Variants in MYO5B observed in about 807,000 individuals in gnomAD.
MYO5B encodes myosin VB, also known as unconventional myosin-Vb.
In MYO5B, 143 loss-of-function variants were observed where a neutral mutation model predicts 229.3. The observed-to-expected ratio is 0.62, with a 90% CI of 0.54 to 0.72. The LOEUF (loss-of-function observed/expected upper bound fraction) is 0.72. MYO5B is among the 30% of genes least tolerant of loss of function. The pLI is 0.00. For missense variants in MYO5B, 2,321 were observed against 2,331.0 expected, an observed-to-expected ratio of 1.00 and a Z score of 0.09; for synonymous variants, 918 against 885.2, an observed-to-expected ratio of 1.04 and a Z score of -0.66.
chr18:50,061,110 G>A (rs1039809385), intron 1 of MYO5B, among the ~76,000 whole-genome samples: 4 of 152,146 alleles, frequency 2.6e-5, no homozygotes, highest in African/African-American at 9.7e-5. Context: ...ATGTCCAGAA[G>A]AGCACAGCAT....
chr18:50,095,468 C>T (rs1285574986), intron 1 of MYO5B, among the ~76,000 whole-genome samples: 2 of 152,168 alleles, frequency 1.3e-5, no homozygotes, highest in Non-Finnish European at 2.9e-5. Context: ...ATACCTGGTA[C>T]TTGCTTAAAT....
At chr18:49,894,876 G>A in intron 22 of MYO5B, 65 bp downstream of exon 22, 2 of 1,395,290 alleles carry the variant, frequency 1.4e-6, no homozygotes, top group Non-Finnish European at 2.0e-6. Context: ...AGTGCTCTCT[G>A]AGAGGTGGCT....
intron 34 of MYO5B, among the ~76,000 whole-genome samples, chr18:49,842,615 C>T (rs576586430): frequency 2.6e-5 from 4 of 152,380 alleles, no homozygotes; most frequent in African/African-American, 9.6e-5. Flanking sequence ...CTGCCTGGCC[C>T]TCATCCATGT....
chr18:50,002,029 C>A (rs2026053250), intron 4 of MYO5B, among the ~76,000 whole-genome samples: 1 of 99,456 alleles, frequency 1.0e-5, no homozygotes. Context: ...GAGCAAAACT[C>A]CGTCTCAAAA....
chr18:49,944,901 C>T (rs12969363), intron 14 of MYO5B, among the ~76,000 whole-genome samples: 14,450 of 152,180 alleles, frequency 0.095, 821 homozygotes, highest in Middle Eastern at 0.2. Flanking sequence ...GCCTCCTCCC[C>T]ATGCTGCTGA....
At chr18:49,889,681 TAC>T (rs904520572) in intron 22 of MYO5B, among the ~76,000 whole-genome samples, 9 of 152,224 alleles carry the variant, frequency 5.9e-5, no homozygotes, top group Non-Finnish European at 1.0e-4. Context: ...TTGAGCATCC[TAC>T]ACACAGTCAA....
At chr18:50,014,873 G>C (rs2026200635) in intron 4 of MYO5B, among the ~76,000 whole-genome samples, 1 of 152,206 alleles carries the variant, frequency 6.6e-6, no homozygotes, top group African/African-American at 2.4e-5. Flanking sequence ...TGTAAGAAAA[G>C]TGCTCCCTTG....
intron 1 of MYO5B, among the ~76,000 whole-genome samples, chr18:50,133,866 G>T (rs2032293005): frequency 6.6e-6 from 1 of 152,134 alleles, no homozygotes; most frequent in Non-Finnish European, 1.5e-5. Flanking sequence ...GAGGGAGGTG[G>T]GGGGAGTTAT....
intron 29 of MYO5B, 38 bp downstream of exon 29, chr18:49,863,189 G>A (rs371552720): frequency 2.1e-5 from 33 of 1,539,210 alleles, no homozygotes; most frequent in Non-Finnish European, 2.3e-5. Flanking sequence ...GCCCTTCTCC[G>A]CGGCCTCGTC....
Position 49,878,977 on chromosome 18 carries a change from C to T in MYO5B, c.3244G>A (p.Asp1082Asn), listed in dbSNP as rs768704859. ...ATGGTCATTTCATCCCGAAGGTTGT[C>T]GTATCTCTGCTCCAACTGTGAATAT... ...KEYSQLEQRY[D>N]NLRDEMTIIK... is the part of the protein sequence containing the mutation. Residue 1082 changes from aspartate (D) to asparagine (N), a missense_variant, in exon 24 of 40, where the codon GAC (aspartate) becomes AAC (asparagine). Asp to Asn is a conservative substitution (Grantham distance 23). Around this residue, in one of 2 missense-constraint regions of MYO5B, gnomAD observed 2,113 missense variants for 2,044.7 expected, o/e 1.03. Transcript: ENST00000285039. 6 of 1,614,130 alleles carry T rather than the reference C, an allele frequency of 3.7e-6. No individual in the cohort carries two copies. The highest frequency in any genetic ancestry group is 1.7e-5 in the Admixed American group (1 of 60,024).
chr18:50,149,963 A>C, intron 1 of MYO5B, among the ~76,000 whole-genome samples: 1 of 145,566 alleles, frequency 6.9e-6, no homozygotes, highest in African/African-American at 2.6e-5. Flanking sequence ...CAGAATCTAC[A>C]ATGAACTCAA....
chr18:50,129,428 C>T (rs939550287), intron 1 of MYO5B, among the ~76,000 whole-genome samples: 14 of 152,092 alleles, frequency 9.2e-5, no homozygotes, highest in Admixed American at 8.5e-4. Context: ...AAATGAACTC[C>T]GATAAGGCAG....
At chr18:49,997,446 C>T (rs1345964908) in intron 5 of MYO5B, among the ~76,000 whole-genome samples, 4 of 128,564 alleles carry the variant, frequency 3.1e-5, no homozygotes, top group African/African-American at 6.0e-5. Context: ...GGCATGATCT[C>T]GTCTCCTTTC....
At chr18:50,063,198 A>T (rs1170548840) in intron 1 of MYO5B, among the ~76,000 whole-genome samples, 1 of 152,024 alleles carries the variant, frequency 6.6e-6, no homozygotes, top group East Asian at 1.9e-4. Flanking sequence ...TTCCCGAGTT[A>T]ACTCCTCCTC....
intron 17 of MYO5B, among the ~76,000 whole-genome samples, chr18:49,924,592 T>A (rs746842969): frequency 6.6e-6 from 1 of 152,228 alleles, no homozygotes; most frequent in African/African-American, 2.4e-5. Flanking sequence ...GGTTTGGAGC[T>A]GGCCCCAGAG....
intron 10 of MYO5B, among the ~76,000 whole-genome samples, chr18:49,971,664 A>T (rs1015909812): frequency 7.9e-5 from 12 of 152,314 alleles, no homozygotes; most frequent in Non-Finnish European, 1.6e-4. Context: ...GGTGAATCAG[A>T]CCATTGAGTA....
At chr18:49,846,275 T>C (rs1000344894) in intron 33 of MYO5B, among the ~76,000 whole-genome samples, 1 of 152,210 alleles carries the variant, frequency 6.6e-6, no homozygotes, top group African/African-American at 2.4e-5. Flanking sequence ...CATCTTGTTA[T>C]GTGCCTTGCA....
At chr18:50,006,429 G>A (rs183236902) in intron 4 of MYO5B, among the ~76,000 whole-genome samples, 249 of 152,222 alleles carry the variant, frequency 1.6e-3, no homozygotes, top group African/African-American at 5.2e-3. Context: ...GCCATGATTC[G>A]GGTCCACATG....
chr18:49,957,183 G>C (rs2025503198), intron 12 of MYO5B, among the ~76,000 whole-genome samples: 1 of 148,162 alleles, frequency 6.7e-6, no homozygotes, highest in Non-Finnish European at 1.5e-5. Context: ...TGGCAGTGGG[G>C]GAGTGCAAGT....
Sources: allele counts gnomAD v4.1 joint callset (sites outside exome capture counted in the v4.1 genomes callset), GRCh38; gene constraint gnomAD v4.1.1; regional missense constraint gnomAD v4.1.1; transcripts MANE v1.5; gene names NCBI Gene and HGNC (gene_info 2026-07-23, HGNC 2026-07-21).